The following OCA2 variants were observed in gnomAD, a reference collection of about 807,000 sequenced individuals.
The protein encoded by OCA2 is P protein.
In OCA2, 77 loss-of-function variants were observed where a neutral mutation model predicts 100.2. The ratio of observed to expected loss-of-function variants is 0.77; its 90% CI spans 0.64 to 0.93. The LOEUF is 0.93. Ranked by LOEUF, OCA2 falls within the 40% of genes least tolerant of loss-of-function variation. The pLI, the probability that OCA2 is intolerant of heterozygous loss-of-function variation, is 0.00. For missense variants in OCA2, 1,062 were observed against 1,089.1 expected (o/e 0.98, Z 0.35); for synonymous variants, 432 against 439.2 (o/e 0.98, Z 0.21).
chr15:28,018,097 CAAAA>C (rs368311380), intron 7 of OCA2, among the ~76,000 whole-genome samples: 2 of 115,026 alleles, frequency 1.7e-5, no homozygotes, highest in African/African-American at 3.2e-5. Context: ...TCAACGACAC[CAAAA>C]AAAAAAAAAA....
chr15:27,824,617 T>TATATATATAATATAATATA (rs1020369750), intron 23 of OCA2, among the ~76,000 whole-genome samples: 1 of 130,130 alleles, frequency 7.7e-6, no homozygotes, highest in African/African-American at 3.0e-5. Flanking sequence ...TATATATATA[T>TATATATATAATATAATATA]ATATAATATA....
At chr15:27,810,747 A>G (rs1191712223) in intron 23 of OCA2, among the ~76,000 whole-genome samples, 1 of 152,244 alleles carries the variant, frequency 6.6e-6, no homozygotes, top group Non-Finnish European at 1.5e-5. Context: ...AAGATATACA[A>G]ATGGCCAACA....
intron 9 of OCA2, among the ~76,000 whole-genome samples, chr15:28,007,111 G>A (rs1176829364): frequency 6.6e-6 from 1 of 152,212 alleles, no homozygotes; most frequent in Non-Finnish European, 1.5e-5. Context: ...TACATAAAGT[G>A]GGTGAAGGGA....
intron 23 of OCA2, among the ~76,000 whole-genome samples, chr15:27,824,602 C>CTCTCTATATATA: frequency 2.7e-4 from 13 of 47,594 alleles, no homozygotes; most frequent in African/African-American, 1.7e-3. Context: ...CTCTCTCTCT[C>CTCTCTATATATA]TATATATATA....
At chr15:27,760,327 A>G (rs2030732483) in intron 23 of OCA2, among the ~76,000 whole-genome samples, 1 of 151,968 alleles carries the variant, frequency 6.6e-6, no homozygotes, top group Admixed American at 6.5e-5. Flanking sequence ...TGAGAAGGAA[A>G]CGTATAGCAC....
intron 1 of OCA2, among the ~76,000 whole-genome samples, chr15:28,093,555 A>T (rs527331218): frequency 6.1e-4 from 90 of 146,986 alleles, no homozygotes; most frequent in African/African-American, 1.2e-3. Flanking sequence ...GACAGTTTTT[A>T]AAAAAAAACT....
At chr15:27,736,542 G>A in the OCA2 span, among the ~76,000 whole-genome samples, 1 of 152,192 alleles carries the variant, frequency 6.6e-6, no homozygotes, top group Admixed American at 6.5e-5. Flanking sequence ...GGTCTATCCT[G>A]CTAAAAGCAT....
In OCA2 at chr15:28,042,242, CTG is replaced by C. The variant is rs201264299; in HGVS notation, c.228-10081_228-10080del. Reference sequence around the variant, plus strand: ...ATTCAAGAAATGATGGGATGAAAGACTGTACTGAAACCCTGAAATACAAGATG... The same window carrying C: ...ATTCAAGAAATGATGGGATGAAAGACTACTGAAACCCTGAAATACAAGATG... On this transcript the variant is annotated intron_variant, in intron 2 of 23. Coordinates refer to ENST00000354638, the MANE Select transcript of OCA2 (RefSeq NM_000275.3). Among the ~76,000 whole-genome samples the C allele has an allele frequency of 4.9e-3, 748 of 152,198 alleles. 6 individuals are homozygous for C. Among genetic ancestry groups the C allele is most frequent in the South Asian group, 0.017 (82 of 4,820 alleles).
Position 27,873,961 on chromosome 15 carries a change from C to T in OCA2, c.2080-2039G>A, listed in dbSNP as rs144812254. ...TACTTGTCTCCTTCATCAGCTTATA[C>T]AGTGAAAAGATGATTGTGTGGTATA... On this transcript the variant is annotated intron_variant, in intron 19 of 23. Coordinates refer to ENST00000354638, the MANE Select transcript of OCA2 (RefSeq NM_000275.3). 1.5e-3 allele frequency among the ~76,000 whole-genome samples: 232 copies of T among 152,266 alleles called. 1 individual carries two copies. The highest frequency in any genetic ancestry group is 3.6e-3 in the African/African-American group (150 of 41,554).
chr15:27,752,576 C>T (rs1049409878), downstream of OCA2, among the ~76,000 whole-genome samples: 3 of 152,156 alleles, frequency 2.0e-5, no homozygotes, highest in African/African-American at 4.8e-5. Flanking sequence ...CTCCCATTCC[C>T]GGACAGCATC....
intron 9 of OCA2, among the ~76,000 whole-genome samples, chr15:27,991,576 G>A (rs989005128): frequency 6.6e-6 from 1 of 152,156 alleles, no homozygotes; most frequent in African/African-American, 2.4e-5. Flanking sequence ...AGCAACAAAG[G>A]TTGACTGGAA....
chr15:28,091,623 A>G (rs80238606), intron 1 of OCA2, among the ~76,000 whole-genome samples: 1 of 152,202 alleles, frequency 6.6e-6, no homozygotes, highest in Non-Finnish European at 1.5e-5. Flanking sequence ...AATGTGTACA[A>G]TAACATTAAT....
intron 23 of OCA2, among the ~76,000 whole-genome samples, chr15:27,759,284 A>G (rs759558010): frequency 6.6e-6 from 1 of 152,184 alleles, no homozygotes; most frequent in Non-Finnish European, 1.5e-5. Flanking sequence ...AACTTACCCT[A>G]AAAGTACTGC....
At chr15:27,960,187 T>C (rs764640918) in intron 15 of OCA2, among the ~76,000 whole-genome samples, 7 of 152,232 alleles carry the variant, frequency 4.6e-5, no homozygotes, top group Non-Finnish European at 7.3e-5. Context: ...TTTTATATAA[T>C]GCAATTGCTC....
chr15:28,070,333 C>T (rs1405382425), intron 2 of OCA2, among the ~76,000 whole-genome samples: 23 of 141,678 alleles, frequency 1.6e-4, no homozygotes, highest in East Asian at 6.6e-4. Context: ...GCCCCCCGCC[C>T]GGCCAGCCGC....
intron 12 of OCA2, 113 bp downstream of exon 12, chr15:27,986,474 G>A: frequency 1.3e-6 from 1 of 795,306 alleles, no homozygotes; most frequent in Non-Finnish European, 2.1e-6. Context: ...TTAAAAGAAG[G>A]ATGGAATTTT....
chr15:28,064,414 T>C (rs1365480469), intron 2 of OCA2, among the ~76,000 whole-genome samples: 3 of 152,100 alleles, frequency 2.0e-5, no homozygotes, highest in East Asian at 1.9e-4. Context: ...GTTGTACTAT[T>C]TGATGGCTTT....
the OCA2 span, among the ~76,000 whole-genome samples, chr15:27,747,593 G>A: frequency 1.4e-4 from 21 of 152,220 alleles, no homozygotes; most frequent in South Asian, 1.9e-3. Flanking sequence ...CCACCCAGAC[G>A]TCAGTTTTTA....
At chr15:27,797,639 T>C (rs983977615) in intron 23 of OCA2, among the ~76,000 whole-genome samples, 1 of 152,140 alleles carries the variant, frequency 6.6e-6, no homozygotes, top group African/African-American at 2.4e-5. Context: ...ATGAATAGTA[T>C]AAGTTTAATT....
Sources: allele counts gnomAD v4.1 joint callset (sites outside exome capture counted in the v4.1 genomes callset), GRCh38; gene constraint gnomAD v4.1.1; transcripts MANE v1.5; gene names NCBI Gene and HGNC (gene_info 2026-07-23, HGNC 2026-07-21).